The following ITPKB variants were observed in gnomAD, a reference collection of about 807,000 sequenced individuals.
The protein encoded by ITPKB is IP3 3-kinase B.
A neutral mutation model predicts 69.4 loss-of-function variants in ITPKB; 13 were observed. That is an observed-to-expected ratio of 0.19 (90% CI 0.12 to 0.30). ITPKB has a LOEUF of 0.30. Among genes scored for constraint, ITPKB ranks in the 10% least tolerant of loss-of-function variants. The pLI is 1.00. For missense variants in ITPKB, 1,240 were observed against 1,250.5 expected, an observed-to-expected ratio of 0.99 and a Z score of 0.13; for synonymous variants, 584 against 513.7, an observed-to-expected ratio of 1.14 and a Z score of -1.85.
chr1:226,649,582 C>T (rs540664632), intron 2 of ITPKB, among the ~76,000 whole-genome samples: 18 of 148,162 alleles, frequency 1.2e-4, no homozygotes, highest in African/African-American at 2.8e-4. Context: ...TGAGTGTGTG[C>T]GTGTGCATGT....
intron 4 of ITPKB, among the ~76,000 whole-genome samples, chr1:226,645,519 T>C (rs1669043556): frequency 6.6e-6 from 1 of 152,332 alleles, no homozygotes; most frequent in East Asian, 1.9e-4. Flanking sequence ...GACAGCCGAC[T>C]TCCAGAAATG....
chr1:226,693,676 C>T (rs1464816206), intron 2 of ITPKB, among the ~76,000 whole-genome samples: 1 of 152,148 alleles, frequency 6.6e-6, no homozygotes, highest in African/African-American at 2.4e-5. Context: ...AATTGATCCC[C>T]ATTTGAAGAT....
intron 2 of ITPKB, chr1:226,708,013 G>T: frequency 1.6e-6 from 1 of 615,080 alleles, no homozygotes; most frequent in Non-Finnish European, 2.5e-6. Context: ...CCAAAGGTAG[G>T]AGTAAGATGA....
At chr1:226,658,787 C>T (rs1054258125) in intron 2 of ITPKB, among the ~76,000 whole-genome samples, 1 of 152,084 alleles carries the variant, frequency 6.6e-6, no homozygotes, top group African/African-American at 2.4e-5. Flanking sequence ...TGAGCGCTGT[C>T]GGGTTGGTGA....
At chr1:226,726,341 G>T (rs1464377087) in intron 2 of ITPKB, among the ~76,000 whole-genome samples, 1 of 152,186 alleles carries the variant, frequency 6.6e-6, no homozygotes, top group Non-Finnish European at 1.5e-5. Flanking sequence ...TGATGACTAT[G>T]ATGATGATGA....
chr1:226,685,341 T>C (rs1307726009), intron 2 of ITPKB, among the ~76,000 whole-genome samples: 3 of 152,120 alleles, frequency 2.0e-5, no homozygotes, highest in African/African-American at 7.2e-5. Flanking sequence ...CCCCTGCCCC[T>C]AAGTCCTGGC....
At chr1:226,705,225 C>A (rs1258740598) in intron 2 of ITPKB, among the ~76,000 whole-genome samples, 2 of 152,038 alleles carry the variant, frequency 1.3e-5, no homozygotes, top group Non-Finnish European at 2.9e-5. Flanking sequence ...AGAGGAGAGT[C>A]CAGAAACATA....
intron 2 of ITPKB, among the ~76,000 whole-genome samples, chr1:226,724,091 C>G (rs1037438663): frequency 1.3e-5 from 2 of 152,094 alleles, no homozygotes; most frequent in Non-Finnish European, 2.9e-5. Flanking sequence ...TGCATTATCT[C>G]CTTTCATCTT....
chr1:226,736,139 G>A lies in ITPKB; in HGVS notation c.1320C>T (p.Ser440=), dbSNP rs949742998. 19 of 1,575,620 alleles carry A rather than the reference G, an allele frequency of 1.2e-5. No individual in the cohort carries two copies. Among genetic ancestry groups the A allele is most frequent in the South Asian group, 8.2e-5 (7 of 85,430 alleles). The part of the protein sequence containing the change: ...APVGGGRWQL[S]DRVEGGSPTL... ...TTGGGGACCCTCCCTCCACTCTGTC[G>A]GAGAGCTGCCAACGCCCCCCGCCCA... The change falls in exon 2 of 8, where the codon TCC becomes TCT. Residue 440 remains serine, a synonymous_variant. Transcript: ENST00000429204.
In ITPKB at chr1:226,729,387, C is replaced by T. The variant is rs570342393; in HGVS notation, c.1932+6140G>A. Among the ~76,000 whole-genome samples the T allele has an allele frequency of 1.0e-4, 15 of 145,354 alleles. No individual in the cohort carries two copies. The East Asian group carries it at 3.0e-3, about 30-fold the overall frequency. On this transcript the variant is annotated intron_variant, in intron 2 of 7. Coordinates refer to ENST00000429204, the MANE Select transcript of ITPKB (RefSeq NM_002221.4). ...GTCCCAGCTATTCGGAAGGCTGAGG[C>T]GGGAGAATTGCTTGAATCCGGGAGG...
intron 2 of ITPKB, among the ~76,000 whole-genome samples, chr1:226,720,102 T>G (rs1657196259): frequency 1.3e-5 from 2 of 152,254 alleles, no homozygotes; most frequent in Admixed American, 6.5e-5. Flanking sequence ...CATCCCTTTT[T>G]TAAACAAAGG....
chr1:226,685,208 T>A (rs2102776721), intron 2 of ITPKB, among the ~76,000 whole-genome samples: 1 of 152,282 alleles, frequency 6.6e-6, no homozygotes, highest in African/African-American at 2.4e-5. Flanking sequence ...CTTTCAAAAC[T>A]CAACCTGTCC....
intron 2 of ITPKB, among the ~76,000 whole-genome samples, chr1:226,703,638 C>T (rs1327250238): frequency 2.6e-5 from 4 of 152,212 alleles, no homozygotes; most frequent in Non-Finnish European, 2.9e-5. Flanking sequence ...CCGCCCCTGT[C>T]GCCTTCGCCA....
At chr1:226,669,665 C>T (rs1408705749) in intron 2 of ITPKB, among the ~76,000 whole-genome samples, 1 of 151,972 alleles carries the variant, frequency 6.6e-6, no homozygotes, top group African/African-American at 2.4e-5. Flanking sequence ...AAGCAGAAGT[C>T]AAATAAACTG....
chr1:226,729,481 C>CAA lies in ITPKB; in HGVS notation c.1932+6044_1932+6045dup, dbSNP rs1222337089. Among the ~76,000 whole-genome samples, 645 of 70,074 alleles carry CAA rather than the reference C, an allele frequency of 9.2e-3. 13 individuals carry two copies. The highest frequency in any genetic ancestry group is 0.027 in the African/African-American group (469 of 17,524). The allele number at this position is 70,074 out of a possible 152,430, so 46.0% of individuals were successfully genotyped here. A position where few individuals can be genotyped will look rare whatever the true frequency, so the allele number is the denominator to read the frequency against. ...TGGGTGACAGAGCGAGACTCCACCTCAAAAAAAAAAAAAAAAAAGGAAATG... is the reference window on the plus strand; with the variant it reads ...TGGGTGACAGAGCGAGACTCCACCTCAAAAAAAAAAAAAAAAAAAAGGAAATG... On this transcript the variant is annotated intron_variant, in intron 2 of 7. Coordinates refer to ENST00000429204, the MANE Select transcript of ITPKB (RefSeq NM_002221.4).
Position 226,736,346 on chromosome 1 carries a change from C to A in ITPKB, c.1113G>T (p.Lys371Asn). The change falls in exon 2 of 8, where the codon AAG (lysine) becomes AAT (asparagine). Residue 371 changes from lysine (K) to asparagine (N), a missense_variant. Physicochemically the swap from Lys to Asn is moderately conservative, Grantham distance 94. This residue lies in a region of ITPKB where 992 missense variants were observed against 853.8 expected (regional missense o/e 1.16). Transcript: ENST00000429204. ...GGPRDGEPPG[K>N]MGKGYLPCGM... is the part of the protein sequence containing the mutation. ...CACAGGGCAGATATCCTTTCCCCAT[C>A]TTCCCAGGGGGTTCTCCATCGCGGG... 1.2e-6 allele frequency: 2 copies of A among 1,612,396 alleles called. No homozygotes were observed. Among genetic ancestry groups the A allele is most frequent in the Non-Finnish European group, 8.5e-7 (1 of 1,179,630 alleles).
At chr1:226,667,547 G>T (rs1199126869) in intron 2 of ITPKB, among the ~76,000 whole-genome samples, 1 of 152,168 alleles carries the variant, frequency 6.6e-6, no homozygotes, top group Non-Finnish European at 1.5e-5. Context: ...AGGGAGAGAG[G>T]CAAACAAGAG....
chr1:226,667,861 C>T lies in ITPKB; in HGVS notation c.1933-19090G>A, dbSNP rs535712859. 1.2e-4 allele frequency among the ~76,000 whole-genome samples: 13 copies of T among 108,820 alleles called. No individual in the cohort carries two copies. The South Asian group carries it at 1.3e-3, about 11-fold the overall frequency. 71.4% of individuals were successfully genotyped at this position (108,820 alleles called of 152,430 possible). A position where few individuals can be genotyped will look rare whatever the true frequency, so the allele number is the denominator to read the frequency against. ...GTGTGTGTGTGTGTGTGTGCGCGCG[C>T]GCGTGCGAAGTGGAGGTTGGTATTT... On this transcript the variant is annotated intron_variant, in intron 2 of 7. Coordinates refer to ENST00000429204, the MANE Select transcript of ITPKB (RefSeq NM_002221.4).
At chr1:226,678,081 A>G (rs1655951954) in intron 2 of ITPKB, among the ~76,000 whole-genome samples, 1 of 152,224 alleles carries the variant, frequency 6.6e-6, no homozygotes, top group South Asian at 2.1e-4. Context: ...AGTCAATAGT[A>G]GAGTCTAGAT....
Sources: allele counts gnomAD v4.1 joint callset (sites outside exome capture counted in the v4.1 genomes callset), GRCh38; gene constraint gnomAD v4.1.1; regional missense constraint gnomAD v4.1.1; transcripts MANE v1.5; gene names NCBI Gene and HGNC (gene_info 2026-07-23, HGNC 2026-07-21).